Variants in HNF1B observed in about 807,000 individuals in gnomAD.
HNF1B encodes HNF1 homeobox B, also known as hepatocyte nuclear factor 1-beta.
HNF1B carries 8 observed loss-of-function variants against 61.7 expected under a neutral mutation model. That is an observed-to-expected ratio of 0.13 (90% CI 0.08 to 0.23). The LOEUF is 0.23. Ranked by LOEUF, HNF1B falls within the 10% of genes least tolerant of loss-of-function variation. The probability of loss-of-function intolerance (pLI) is 1.00; values close to 1 mark genes in which losing one functional copy is unlikely to be tolerated. For synonymous variants in HNF1B, 314 were observed against 287.7 expected, an observed-to-expected ratio of 1.09 and a Z score of -0.93; for missense variants, 562 against 714.5, an observed-to-expected ratio of 0.79 and a Z score of 2.43.
At chr17:37,742,678 G>A (rs953467769) in intron 1 of HNF1B, among the ~76,000 whole-genome samples, 11 of 152,040 alleles carry the variant, frequency 7.2e-5, no homozygotes, top group Non-Finnish European at 1.6e-4. Flanking sequence ...TGCCCTGCTG[G>A]GGCCTGGGGC....
chr17:37,701,228 G>GA, intron 6 of HNF1B, 51 bp from the exon 7 acceptor site: 1 of 1,511,918 alleles, frequency 6.6e-7, no homozygotes, highest in Non-Finnish European at 9.0e-7. Flanking sequence ...ATAAGGAGAG[G>GA]TGGATGGATG....
At chr17:37,737,919 G>A (rs1175537680) in intron 2 of HNF1B, among the ~76,000 whole-genome samples, 1 of 152,136 alleles carries the variant, frequency 6.6e-6, no homozygotes, top group Non-Finnish European at 1.5e-5. Context: ...TTTGTAAAAC[G>A]TCCCTTCCTC....
At chr17:37,744,409 C>T in intron 1 of HNF1B, 132 bp downstream of exon 1, 3 of 882,708 alleles carry the variant, frequency 3.4e-6, no homozygotes, top group Non-Finnish European at 5.3e-6. Context: ...GGGAGAGAAG[C>T]AGAGCGCCCC....
At chr17:37,737,671 C>CAAA (rs71759311) in intron 2 of HNF1B, among the ~76,000 whole-genome samples, 1 of 142,800 alleles carries the variant, frequency 7.0e-6, no homozygotes. Flanking sequence ...CTAAAAATAC[C>CAAA]AAAAAAAAAA....
At chr17:37,705,173 T>A in intron 5 of HNF1B, 124 bp from the exon 6 acceptor site, 1 of 1,052,840 alleles carries the variant, frequency 9.5e-7, no homozygotes, top group South Asian at 1.4e-5. Context: ...CTTCATTCAC[T>A]CAATAACAAT....
chr17:37,707,860 C>T (rs7213333), intron 5 of HNF1B, among the ~76,000 whole-genome samples: 107,156 of 151,490 alleles, frequency 0.71, 38,193 homozygotes, highest in African/African-American at 0.8. Context: ...GGCATGGGGG[C>T]GGGTAGGGGC....
chr17:37,709,068 T>G (rs1315675562), intron 5 of HNF1B, among the ~76,000 whole-genome samples: 1 of 152,056 alleles, frequency 6.6e-6, no homozygotes, highest in Admixed American at 6.6e-5. Flanking sequence ...AAGTCGGGAA[T>G]CTGCGGCTCC....
rs1460003255 is a variant in HNF1B, at chr17:37,744,717, G to C, written c.168C>G (p.Pro56=). The change falls in exon 1 of 9, where the codon CCC becomes CCG. Residue 56 remains proline, a synonymous_variant. Transcript: ENST00000617811. ...LPLSPGSGAE[P]DTKPVFHTLT... is the part of the protein sequence containing the mutation. ...GAGTATGGAAGACCGGCTTGGTGTCGGGCTCGGCCCCGCTGCCAGGGGACA... is the reference window on the plus strand; with the variant it reads ...GAGTATGGAAGACCGGCTTGGTGTCCGGCTCGGCCCCGCTGCCAGGGGACA... The C allele has an allele frequency of 1.2e-6, 2 of 1,613,410 alleles. No individual in the cohort carries two copies. Among genetic ancestry groups the C allele is most frequent in the South Asian group, 1.1e-5 (1 of 91,086 alleles).
chr17:37,714,439 C>T (rs867321155), intron 4 of HNF1B, among the ~76,000 whole-genome samples: 15 of 152,272 alleles, frequency 9.9e-5, no homozygotes, highest in Middle Eastern at 6.8e-3. Context: ...ACCAAAGATG[C>T]CAGGTTAATA....
At chr17:37,704,612 A>T (rs879548867) in intron 6 of HNF1B, among the ~76,000 whole-genome samples, 5 of 152,212 alleles carry the variant, frequency 3.3e-5, no homozygotes, top group Non-Finnish European at 7.3e-5. Flanking sequence ...TCAGTTGATC[A>T]CTTTAACAAC....
intron 2 of HNF1B, among the ~76,000 whole-genome samples, chr17:37,739,087 C>T (rs1319968402): frequency 6.6e-6 from 1 of 152,164 alleles, no homozygotes; most frequent in African/African-American, 2.4e-5. Context: ...CTGATGGTCA[C>T]GTATCAAGGG....
At chr17:37,737,111 T>C (rs1177439716) in intron 2 of HNF1B, among the ~76,000 whole-genome samples, 1 of 152,176 alleles carries the variant, frequency 6.6e-6, no homozygotes, top group Non-Finnish European at 1.5e-5. Context: ...TCCAGGAAAT[T>C]TGTAATCATG....
chr17:37,708,858 A>G (rs2032838493), intron 5 of HNF1B, among the ~76,000 whole-genome samples: 1 of 152,196 alleles, frequency 6.6e-6, no homozygotes, highest in Admixed American at 6.5e-5. Context: ...TGAAACCAGA[A>G]TTGGCCGGGT....
At chr17:37,717,560 T>C (rs2033165587) in intron 4 of HNF1B, among the ~76,000 whole-genome samples, 1 of 152,192 alleles carries the variant, frequency 6.6e-6, no homozygotes. Context: ...AATCATTATG[T>C]TGGGGAGATG....
chr17:37,711,699 T>A (rs926909295), intron 4 of HNF1B, among the ~76,000 whole-genome samples: 2 of 152,226 alleles, frequency 1.3e-5, no homozygotes, highest in African/African-American at 2.4e-5. Flanking sequence ...TTCTTGTTTT[T>A]TGCTTTGGAT....
In HNF1B at chr17:37,744,903, G is replaced by C; in HGVS notation, c.-19C>G. ...ACACCATTTTCCAAGGACGGAAAAA[G>C]AAGGGGGTGAGGGGGTGGGTGGGTG... On this transcript the variant is annotated 5_prime_UTR_variant, in exon 1 of 9. Coordinates refer to ENST00000617811, the MANE Select transcript of HNF1B (RefSeq NM_000458.4). 1.6e-6 allele frequency: 1 copy of C among 625,518 alleles called. No individual in the cohort carries two copies. 38.7% of individuals were successfully genotyped at this position (625,518 alleles called of 1,614,324 possible).
At chr17:37,723,155 C>T (rs1465211512) in intron 4 of HNF1B, among the ~76,000 whole-genome samples, 1 of 150,558 alleles carries the variant, frequency 6.6e-6, no homozygotes, top group Middle Eastern at 3.2e-3. Flanking sequence ...CTGGCTAACA[C>T]GGTGAAACCC....
chr17:37,711,611 G>T (rs1008174853), intron 4 of HNF1B, among the ~76,000 whole-genome samples: 1 of 152,196 alleles, frequency 6.6e-6, no homozygotes, highest in East Asian at 1.9e-4. Flanking sequence ...TGCTTGATGT[G>T]CCCATGAAAC....
chr17:37,693,640 T>C (rs1300576524), intron 8 of HNF1B, among the ~76,000 whole-genome samples: 2 of 152,182 alleles, frequency 1.3e-5, no homozygotes, highest in African/African-American at 4.8e-5. Flanking sequence ...CCCCAACATA[T>C]TTGACCAAGA....
Sources: gnomAD v4.1 joint callset for allele counts (sites outside exome capture counted in the v4.1 genomes callset) on GRCh38, gnomAD v4.1.1 for gene constraint, MANE v1.5 for transcripts, NCBI Gene and HGNC (gene_info 2026-07-23, HGNC 2026-07-21) for gene names.